DNAH12: variants seen among roughly 807,000 people sequenced by gnomAD.
DNAH12 encodes the protein dynein axonemal heavy chain 12, also known as axonemal beta dynein heavy chain 12.
DNAH12 carries 285 observed loss-of-function variants against 371.5 expected under a neutral mutation model. The observed-to-expected ratio is 0.77, with a 90% CI of 0.70 to 0.85. DNAH12 has a LOEUF of 0.85. DNAH12 is among the 40% of genes least tolerant of loss of function. DNAH12 has a pLI of 0.00. For synonymous variants in DNAH12, 1,200 were observed against 1,213.0 expected (o/e 0.99, Z 0.22); for missense variants, 3,611 against 3,689.4 (o/e 0.98, Z 0.55).
chr3:57,435,845 G>A (rs1422865426), intron 30 of DNAH12, among the ~76,000 whole-genome samples: 2 of 144,270 alleles, frequency 1.4e-5, no homozygotes, highest in Non-Finnish European at 3.0e-5. Context: ...AATGCATAAG[G>A]GTTGATTGTA....
In DNAH12 at chr3:57,489,554, A is replaced by G; in HGVS notation, c.1469T>C (p.Ile490Thr). Residue 490 changes from isoleucine to threonine, a missense_variant, in exon 12 of 74, where the codon ATA (isoleucine) becomes ACA (threonine). Physicochemically the swap from Ile to Thr is moderately conservative, Grantham distance 89. Transcript: ENST00000495027. ...TTTTGAAGCTATGTCATTTAATAAT[A>G]TGTTTGCAAAGGCTTTTGCTTTATT... The part of the protein sequence containing the change: ...LTNKAKAFAN[I>T]LLNDIASKYR... 6.5e-7 allele frequency: 1 copy of G among 1,528,830 alleles called. No homozygotes were observed. The highest frequency in any genetic ancestry group is 8.8e-7 in the Non-Finnish European group (1 of 1,140,906). The allele number at this position is 1,528,830 out of a possible 1,614,324, so 94.7% of individuals were successfully genotyped here.
intron 60 of DNAH12, among the ~76,000 whole-genome samples, chr3:57,346,421 C>CA (rs1193616272): frequency 6.0e-5 from 9 of 149,436 alleles, no homozygotes; most frequent in Non-Finnish European, 8.9e-5. Flanking sequence ...AGGGCAATAA[C>CA]AAAAAAAAGT....
chr3:57,371,491 T>C, intron 55 of DNAH12, among the ~76,000 whole-genome samples: 1 of 152,156 alleles, frequency 6.6e-6, no homozygotes, highest in Non-Finnish European at 1.5e-5. Context: ...AATTTTATGG[T>C]ACATGAATTA....
At chr3:57,303,211 C>T (rs575636143) in intron 69 of DNAH12, among the ~76,000 whole-genome samples, 30 of 151,374 alleles carry the variant, frequency 2.0e-4, no homozygotes, top group Admixed American at 1.8e-3. Flanking sequence ...TGGTGGTGGG[C>T]GCCTGTAGTC....
chr3:57,303,774 T>G (rs2061412462), intron 69 of DNAH12, among the ~76,000 whole-genome samples: 1 of 152,134 alleles, frequency 6.6e-6, no homozygotes, highest in Admixed American at 6.6e-5. Flanking sequence ...AATACCATTG[T>G]GTGTTTTTAT....
At chr3:57,531,308 C>G (rs958023102) in intron 2 of DNAH12, among the ~76,000 whole-genome samples, 1 of 152,098 alleles carries the variant, frequency 6.6e-6, no homozygotes, top group Non-Finnish European at 1.5e-5. Context: ...TCTAAGGTTC[C>G]TTCAGCACTT....
intron 60 of DNAH12, among the ~76,000 whole-genome samples, chr3:57,343,366 A>G (rs1553656873): frequency 1.3e-5 from 2 of 152,236 alleles, no homozygotes; most frequent in African/African-American, 4.8e-5. Flanking sequence ...AGCTCACAAA[A>G]ACATGTGTTG....
intron 29 of DNAH12, among the ~76,000 whole-genome samples, chr3:57,442,081 G>A (rs1168245702): frequency 6.6e-6 from 1 of 152,086 alleles, no homozygotes; most frequent in African/African-American, 2.4e-5. Flanking sequence ...CTAGAATTCT[G>A]TATCTGTGAA....
intron 43 of DNAH12, among the ~76,000 whole-genome samples, chr3:57,401,379 T>C (rs2063854571): frequency 6.9e-6 from 1 of 144,940 alleles, no homozygotes; most frequent in African/African-American, 2.5e-5. Context: ...GTGAAACCCA[T>C]CTCTACTAAA....
At chr3:57,390,761 T>C (rs1312785213) in intron 45 of DNAH12, among the ~76,000 whole-genome samples, 5 of 137,210 alleles carry the variant, frequency 3.6e-5, no homozygotes, top group Non-Finnish European at 8.2e-5. Flanking sequence ...ATGACTGAAA[T>C]TGTTGCCCAG....
At chr3:57,312,774 T>C (rs1049120162) in intron 66 of DNAH12, among the ~76,000 whole-genome samples, 1 of 152,218 alleles carries the variant, frequency 6.6e-6, no homozygotes, top group African/African-American at 2.4e-5. Context: ...CATTTCATCA[T>C]GCAGTTACAA....
intron 60 of DNAH12, among the ~76,000 whole-genome samples, chr3:57,345,717 G>A (rs2062524826): frequency 6.6e-6 from 1 of 152,094 alleles, no homozygotes; most frequent in African/African-American, 2.4e-5. Flanking sequence ...TTTCTTGACT[G>A]CAAATGATGC....
intron 39 of DNAH12, among the ~76,000 whole-genome samples, chr3:57,409,430 C>G (rs782137772): frequency 1.3e-5 from 2 of 151,818 alleles, no homozygotes; most frequent in African/African-American, 4.8e-5. Flanking sequence ...GCCAATAAAA[C>G]GAATGAGTAG....
chr3:57,307,387 AC>A (rs1300281789), intron 69 of DNAH12, among the ~76,000 whole-genome samples: 1 of 151,774 alleles, frequency 6.6e-6, no homozygotes, highest in African/African-American at 2.4e-5. Context: ...ACTCATCCCA[AC>A]CCTTTTCATT....
chr3:57,364,055 G>T (rs889457706), intron 57 of DNAH12, among the ~76,000 whole-genome samples: 1 of 152,142 alleles, frequency 6.6e-6, no homozygotes, highest in African/African-American at 2.4e-5. Context: ...GTATGCAAGA[G>T]TAAGAACTGG....
intron 34 of DNAH12, 82 bp from the exon 35 acceptor site, chr3:57,425,223 TAA>T: frequency 1.5e-6 from 1 of 657,660 alleles, no homozygotes; most frequent in Middle Eastern, 2.6e-4. Flanking sequence ...TAAAAACTGA[TAA>T]AAGCATACAT....
At chr3:57,395,762 T>C (rs2063723452) in intron 43 of DNAH12, among the ~76,000 whole-genome samples, 3 of 151,206 alleles carry the variant, frequency 2.0e-5, no homozygotes, top group African/African-American at 7.3e-5. Context: ...CTGGACAACA[T>C]AATGAGAGCC....
At chr3:57,397,553 A>G (rs1310174674) in intron 43 of DNAH12, among the ~76,000 whole-genome samples, 1 of 152,196 alleles carries the variant, frequency 6.6e-6, no homozygotes, top group Non-Finnish European at 1.5e-5. Flanking sequence ...CCACTGAAAC[A>G]TAGGTGAGTT....
chr3:57,470,487 CT>C lies in DNAH12; in HGVS notation c.2060del (p.Gln687ArgfsTer8). On this transcript the variant is annotated frameshift_variant, in exon 16 of 74. Transcript: ENST00000495027. LOFTEE classifies it high-confidence loss of function. The part of the protein sequence containing the change: ...DKLKVNIEPY[Q>X]KFFNFVLKWQ... Reference sequence around the variant, plus strand: ...ACTTCAAAACAAAATTAAAAAACTTCTGATAGGGCTCAATGTTAACTTTTAA... The same window carrying C: ...ACTTCAAAACAAAATTAAAAAACTTCGATAGGGCTCAATGTTAACTTTTAA... 1 of 1,540,490 alleles carries C rather than the reference CT, an allele frequency of 6.5e-7. No individual in the cohort carries two copies. Among genetic ancestry groups the C allele is most frequent in the South Asian group, 1.2e-5 (1 of 80,250 alleles).
Sources: allele counts gnomAD v4.1 joint callset (sites outside exome capture counted in the v4.1 genomes callset), GRCh38; gene constraint gnomAD v4.1.1; transcripts MANE v1.5; gene names NCBI Gene and HGNC (gene_info 2026-07-23, HGNC 2026-07-21).